AP3M1: variants seen among roughly 807,000 people sequenced by gnomAD.
AP3M1 encodes AP-3 complex subunit mu-1.
Under a neutral mutation model 42.6 loss-of-function variants are expected in AP3M1, and 29 were observed. The ratio of observed to expected loss-of-function variants is 0.68; its 90% CI spans 0.51 to 0.93. The LOEUF (loss-of-function observed/expected upper bound fraction) is 0.93. AP3M1 is among the 40% of genes least tolerant of loss of function. AP3M1 has a pLI of 0.00. For synonymous variants in AP3M1, 178 were observed against 175.3 expected (o/e 1.02, Z -0.12); for missense variants, 416 against 510.2 (o/e 0.82, Z 1.78).
chr10:74,145,721 A>C (rs1410443593), intron 1 of AP3M1, among the ~76,000 whole-genome samples: 1 of 152,254 alleles, frequency 6.6e-6, no homozygotes, highest in East Asian at 1.9e-4. Context: ...AACTGTGTTC[A>C]GAGGCAGACC....
At chr10:74,142,251 A>G (rs921463725) in intron 1 of AP3M1, among the ~76,000 whole-genome samples, 1 of 152,208 alleles carries the variant, frequency 6.6e-6, no homozygotes, top group African/African-American at 2.4e-5. Context: ...CTAGTGGCTC[A>G]ATCATTCCAA....
At chr10:74,148,959 G>A (rs1249296177) in intron 1 of AP3M1, among the ~76,000 whole-genome samples, 6 of 150,524 alleles carry the variant, frequency 4.0e-5, no homozygotes, top group South Asian at 2.1e-4. Context: ...CACAACCTCC[G>A]CTTCCTGGGT....
At chr10:74,128,530 C>T (rs1011747639) in intron 6 of AP3M1, among the ~76,000 whole-genome samples, 2 of 152,088 alleles carry the variant, frequency 1.3e-5, no homozygotes, top group African/African-American at 4.8e-5. Context: ...TGAACCACTG[C>T]ACCCGGCCCC....
At chr10:74,145,892 G>C (rs768252592) in intron 1 of AP3M1, among the ~76,000 whole-genome samples, 2 of 152,214 alleles carry the variant, frequency 1.3e-5, no homozygotes, top group Non-Finnish European at 2.9e-5. Flanking sequence ...TATATAATAT[G>C]ATGGAGGCAC....
In AP3M1 at chr10:74,134,160, A is replaced by G. The variant is rs781090517; in HGVS notation, c.450T>C (p.Ser150=). 4 of 1,613,688 alleles carry G rather than the reference A, an allele frequency of 2.5e-6. No individual in the cohort carries two copies. The Admixed American group carries it at 5.0e-5, about 20-fold the overall frequency. Residue 150 remains serine, a synonymous_variant, in exon 4 of 9, where the codon AGT becomes AGC. Transcript: ENST00000355264. ...LRSVVNSITG[S]SNVGDTLPTG... ...TGGGGAGTGTGTCCCCAACATTACT[A>G]CTGCCTAGAAACCAAAAAAGGAGAA...
At chr10:74,146,884 A>G (rs1426216238) in intron 1 of AP3M1, among the ~76,000 whole-genome samples, 4 of 152,126 alleles carry the variant, frequency 2.6e-5, no homozygotes, top group Non-Finnish European at 5.9e-5. Context: ...TCCTAAGAAA[A>G]AAAAAAAAAC....
chr10:74,142,135 A>G (rs992047111), intron 1 of AP3M1, among the ~76,000 whole-genome samples: 9 of 152,138 alleles, frequency 5.9e-5, no homozygotes, highest in Non-Finnish European at 1.2e-4. Context: ...TGCTTCCTAT[A>G]AGAAGTTTAT....
In AP3M1 at chr10:74,122,070, A is replaced by C. The variant is rs1014077244; in HGVS notation, c.*1740T>G. ...AACTCTGAAGAGTCAAGACATTAAA[A>C]ATAAAAAGCAATTGAACCGGGTAGC... On this transcript the variant is annotated 3_prime_UTR_variant, in exon 9 of 9. Transcript: ENST00000355264. The C allele has an allele frequency of 6.6e-6, 1 of 152,238 alleles. No individual in the cohort carries two copies. Among genetic ancestry groups the C allele is most frequent in the East Asian group, 1.9e-4 (1 of 5,196 alleles). The allele number at this position is 152,238 out of a possible 1,614,324, so 9.4% of individuals were successfully genotyped here.
intron 1 of AP3M1, among the ~76,000 whole-genome samples, chr10:74,138,598 A>G (rs1841022752): frequency 7.3e-5 from 2 of 27,270 alleles, no homozygotes; most frequent in South Asian, 6.6e-4. Context: ...TCCTTTTACG[A>G]AAAAAAAAAA....
intron 1 of AP3M1, among the ~76,000 whole-genome samples, chr10:74,144,752 T>C (rs1262470351): frequency 6.6e-6 from 1 of 151,848 alleles, no homozygotes; most frequent in East Asian, 1.9e-4. Flanking sequence ...AACCTCCGCC[T>C]GCTGGGTTCA....
chr10:74,126,384 A>T, intron 6 of AP3M1, 29 bp from the exon 7 acceptor site: 1 of 1,582,044 alleles, frequency 6.3e-7, no homozygotes, highest in Non-Finnish European at 8.7e-7. Flanking sequence ...AAAGATACAA[A>T]AGCACAAACA....
At chr10:74,148,911 T>C (rs1241835407) in intron 1 of AP3M1, among the ~76,000 whole-genome samples, 2 of 151,296 alleles carry the variant, frequency 1.3e-5, no homozygotes, top group Non-Finnish European at 2.9e-5. Flanking sequence ...TCTTACTCTA[T>C]TGCCAGGCTG....
At chr10:74,142,219 G>C (rs755251245) in intron 1 of AP3M1, among the ~76,000 whole-genome samples, 1 of 152,160 alleles carries the variant, frequency 6.6e-6, no homozygotes, top group Non-Finnish European at 1.5e-5. Context: ...ACGTGTATAA[G>C]CACCAGTATC....
intron 4 of AP3M1, among the ~76,000 whole-genome samples, chr10:74,130,306 T>G (rs550357454): frequency 6.6e-6 from 1 of 152,274 alleles, no homozygotes; most frequent in African/African-American, 2.4e-5. Context: ...ACATCTCTAT[T>G]AACAGGTCAG....
intron 6 of AP3M1, among the ~76,000 whole-genome samples, chr10:74,126,569 C>T (rs1055243808): frequency 6.6e-6 from 1 of 152,060 alleles, no homozygotes; most frequent in Non-Finnish European, 1.5e-5. Context: ...CAAAATTGGC[C>T]AGGCGTGGTG....
chr10:74,123,980 T>C, intron 8 of AP3M1, 70 bp from the exon 9 acceptor site: 1 of 1,330,014 alleles, frequency 7.5e-7, no homozygotes, highest in Non-Finnish European at 1.1e-6. Context: ...CAATGAGCGC[T>C]ATATGGTAAA....
intron 1 of AP3M1, among the ~76,000 whole-genome samples, chr10:74,148,353 T>C (rs1327784325): frequency 2.0e-5 from 3 of 152,088 alleles, no homozygotes; most frequent in Non-Finnish European, 2.9e-5. Context: ...ACTCTTCAGA[T>C]TGAAGGGAAG....
chr10:74,141,641 C>T (rs1369182299), intron 1 of AP3M1, among the ~76,000 whole-genome samples: 1 of 151,574 alleles, frequency 6.6e-6, no homozygotes, highest in Non-Finnish European at 1.5e-5. Context: ...AAATGGTTTC[C>T]TTTATGGAGA....
chr10:74,130,061 A>C, intron 4 of AP3M1, 69 bp from the exon 5 acceptor site: 1 of 1,038,926 alleles, frequency 9.6e-7, no homozygotes, highest in Non-Finnish European at 1.5e-6. Flanking sequence ...CTATCACTGT[A>C]TCTTTTTATT....
Sources: gnomAD v4.1 joint callset for allele counts (sites outside exome capture counted in the v4.1 genomes callset) on GRCh38, gnomAD v4.1.1 for gene constraint, MANE v1.5 for transcripts, NCBI Gene and HGNC (gene_info 2026-07-23, HGNC 2026-07-21) for gene names.